ZNF609: variants seen among roughly 807,000 people sequenced by gnomAD.
ZNF609 encodes the protein zinc finger protein 609.
In ZNF609, 11 loss-of-function variants were observed where a neutral mutation model predicts 109.5. The observed-to-expected ratio is 0.10, with a 90% confidence interval of 0.06 to 0.17. The LOEUF (loss-of-function observed/expected upper bound fraction) is 0.17. ZNF609 is among the 10% of genes least tolerant of loss of function. The pLI, the probability that ZNF609 is intolerant of heterozygous loss-of-function variation, is 1.00. For missense variants in ZNF609, 1,559 were observed against 1,772.4 expected (o/e 0.88, Z 2.16); for synonymous variants, 646 against 662.0 (o/e 0.98, Z 0.37).
At chr15:64,474,106 C>A (rs1893132330) in intron 1 of ZNF609, among the ~76,000 whole-genome samples, 1 of 151,960 alleles carries the variant, frequency 6.6e-6, no homozygotes. Flanking sequence ...CGGGGTTTCA[C>A]CATCTTGGCC....
intron 1 of ZNF609, among the ~76,000 whole-genome samples, chr15:64,470,102 G>A (rs1893072847): frequency 6.6e-6 from 1 of 152,126 alleles, no homozygotes; most frequent in African/African-American, 2.4e-5. Context: ...ATAAAATTAT[G>A]TTGTTATTTA....
At chr15:64,680,884 C>G in intron 8 of ZNF609, 22 bp downstream of exon 8, 1 of 1,603,862 alleles carries the variant, frequency 6.2e-7, no homozygotes, top group Non-Finnish European at 8.5e-7. Context: ...TTCCCTACCA[C>G]CTGTTGTTTT....
chr15:64,495,449 A>G (rs1326531454), intron 1 of ZNF609, among the ~76,000 whole-genome samples: 3 of 152,178 alleles, frequency 2.0e-5, no homozygotes, highest in African/African-American at 7.2e-5. Context: ...TCTAGAGTAT[A>G]GTGGCACAAT....
In ZNF609 at chr15:64,536,603, T is replaced by C. The variant is rs28639604; in HGVS notation, c.747+36437T>C. ...AATGAAATACTAGAACTGGCCGGGC[T>C]CAGTGGCACATGTCTGTAATCCCAG... On this transcript the variant is annotated intron_variant, in intron 2 of 9. Coordinates refer to ENST00000326648, the MANE Select transcript of ZNF609 (RefSeq NM_015042.2). 7.9e-3 allele frequency among the ~76,000 whole-genome samples: 1,198 copies of C among 151,586 alleles called. 21 individuals carry two copies. Among genetic ancestry groups the C allele is most frequent in the African/African-American group, 0.028 (1,151 of 41,320 alleles).
chr15:64,641,696 C>T (rs1266842865), intron 3 of ZNF609, among the ~76,000 whole-genome samples: 1 of 152,086 alleles, frequency 6.6e-6, no homozygotes. Flanking sequence ...TTTAAAATCC[C>T]AGTCCCCAGA....
chr15:64,540,182 A>G (rs1349036544), intron 2 of ZNF609, among the ~76,000 whole-genome samples: 1 of 152,114 alleles, frequency 6.6e-6, no homozygotes, highest in Non-Finnish European at 1.5e-5. Flanking sequence ...TTTCTTCCCC[A>G]CAGCATATTC....
At chr15:64,600,573 T>C (rs1167398547) in intron 2 of ZNF609, among the ~76,000 whole-genome samples, 1 of 150,082 alleles carries the variant, frequency 6.7e-6, no homozygotes, top group Non-Finnish European at 1.5e-5. Flanking sequence ...GAGGCAGAGT[T>C]TGCAGTGAGC....
intron 3 of ZNF609, among the ~76,000 whole-genome samples, chr15:64,652,104 A>T (rs973424254): frequency 6.6e-6 from 1 of 152,104 alleles, no homozygotes; most frequent in African/African-American, 2.4e-5. Context: ...CAGTGGTGCA[A>T]TCGCAGCTCA....
chr15:64,528,433 T>C (rs1427270613), intron 2 of ZNF609, among the ~76,000 whole-genome samples: 1 of 151,582 alleles, frequency 6.6e-6, no homozygotes, highest in Non-Finnish European at 1.5e-5. Context: ...GTTTTTTTAT[T>C]GTTTAATTTC....
chr15:64,578,417 G>A (rs1222585132), intron 2 of ZNF609, among the ~76,000 whole-genome samples: 6 of 152,094 alleles, frequency 3.9e-5, no homozygotes, highest in Admixed American at 2.0e-4. Context: ...TTTATGAGCC[G>A]GGCACAGTTG....
At chr15:64,506,181 C>T (rs1447548360) in intron 2 of ZNF609, among the ~76,000 whole-genome samples, 2 of 151,496 alleles carry the variant, frequency 1.3e-5, no homozygotes, top group African/African-American at 4.8e-5. Flanking sequence ...GGGAGTCTCA[C>T]TCTGCCGCCC....
chr15:64,484,030 G>T (rs1368557283), intron 1 of ZNF609, among the ~76,000 whole-genome samples: 1 of 143,894 alleles, frequency 6.9e-6, no homozygotes, highest in Non-Finnish European at 1.5e-5. Flanking sequence ...TGATCAGAGG[G>T]TGCTGTTTCA....
At chr15:64,541,340 T>C (rs1894256814) in intron 2 of ZNF609, among the ~76,000 whole-genome samples, 1 of 140,378 alleles carries the variant, frequency 7.1e-6, no homozygotes. Flanking sequence ...GGCAGGAGAA[T>C]GGCGTGAACC....
At chr15:64,483,261 A>G (rs1025735306) in intron 1 of ZNF609, among the ~76,000 whole-genome samples, 2 of 151,886 alleles carry the variant, frequency 1.3e-5, no homozygotes, top group African/African-American at 4.8e-5. Flanking sequence ...ACGCTCAGCT[A>G]ATTTTGTATT....
At chr15:64,647,711 TAA>T (rs992490918) in intron 3 of ZNF609, among the ~76,000 whole-genome samples, 30 of 152,282 alleles carry the variant, frequency 2.0e-4, no homozygotes, top group African/African-American at 6.3e-4. Context: ...TTATATGGTT[TAA>T]AAAAAGATAC....
At chr15:64,669,265 A>T (rs529258197) in intron 3 of ZNF609, among the ~76,000 whole-genome samples, 1 of 152,214 alleles carries the variant, frequency 6.6e-6, no homozygotes, top group African/African-American at 2.4e-5. Flanking sequence ...CATTTGTACA[A>T]GATTATTCAT....
At chr15:64,528,283 G>A (rs1894000176) in intron 2 of ZNF609, among the ~76,000 whole-genome samples, 1 of 151,702 alleles carries the variant, frequency 6.6e-6, no homozygotes, top group Non-Finnish European at 1.5e-5. Flanking sequence ...TTTTTTAGTA[G>A]AGATGGGGTT....
intron 2 of ZNF609, among the ~76,000 whole-genome samples, chr15:64,607,986 C>T (rs894420267): frequency 6.7e-6 from 1 of 148,958 alleles, no homozygotes; most frequent in Non-Finnish European, 1.5e-5. Flanking sequence ...GCAACCCCCT[C>T]CTCCTGGATT....
intron 3 of ZNF609, among the ~76,000 whole-genome samples, chr15:64,634,459 C>A: frequency 6.6e-6 from 1 of 152,146 alleles, no homozygotes; most frequent in South Asian, 2.1e-4. Context: ...AATCTTCTTT[C>A]ATGGAAATGG....
Sources: allele counts gnomAD v4.1 joint callset (sites outside exome capture counted in the v4.1 genomes callset), GRCh38; gene constraint gnomAD v4.1.1; transcripts MANE v1.5; gene names NCBI Gene and HGNC (gene_info 2026-07-23, HGNC 2026-07-21).